GTF2H4: variants seen among roughly 807,000 people sequenced by gnomAD.
GTF2H4 encodes the protein BTF2 p52.
In GTF2H4, 49 loss-of-function variants were observed where a neutral mutation model predicts 62.2. The ratio of observed to expected loss-of-function variants is 0.79; its 90% confidence interval spans 0.63 to 1.00. The LOEUF (loss-of-function observed/expected upper bound fraction) is 1.00, where lower values mean the gene tolerates loss of function less well. Ranked by LOEUF, GTF2H4 falls within the 50% of genes least tolerant of loss-of-function variation. GTF2H4 has a pLI of 0.00. For synonymous variants in GTF2H4, 189 were observed against 233.8 expected (o/e 0.81, Z 1.75); for missense variants, 479 against 587.8 (o/e 0.81, Z 1.91).
In GTF2H4 at chr6:30,913,029, C is replaced by A; in HGVS notation, c.1090-81C>A. On this transcript the variant is annotated intron_variant, in intron 11 of 13. Transcript: ENST00000259895. This position sits in a 1 kb window ranked among gnomAD's most constrained non-coding sequence, Gnocchi z 4.2. The stretch of plus-strand genomic sequence containing the variant: ...TGAGTTTTTAGAATAAGCTGATGTT[C>A]CAGTGACATTAGGTGACAGCTCAGA... 7.4e-7 allele frequency: 1 copy of A among 1,358,888 alleles called. No homozygotes were observed. The highest frequency in any genetic ancestry group is 1.0e-6 in the Non-Finnish European group (1 of 955,340). 84.2% of individuals were successfully genotyped at this position (1,358,888 alleles called of 1,614,324 possible).
rs927512458 is a variant in GTF2H4, at chr6:30,909,807, C to A, written c.243-125C>A. 3.3e-6 allele frequency: 3 copies of A among 908,310 alleles called. No individual in the cohort carries two copies. The highest frequency in any genetic ancestry group is 5.1e-6 in the Non-Finnish European group (3 of 586,004). The allele number at this position is 908,310 out of a possible 1,614,324, so 56.3% of individuals were successfully genotyped here. A position where few individuals can be genotyped will look rare whatever the true frequency, so the allele number is the denominator to read the frequency against. On this transcript the variant is annotated intron_variant, in intron 3 of 13. Transcript: ENST00000259895. This position sits in a 1 kb window ranked among gnomAD's most constrained non-coding sequence, Gnocchi z 4.3. ...GTAAAGAATTTGTCTTAGGAAGATA[C>A]TAATTTCACTCTGTGGAACAGTGTT...
At chr6:30,908,929 GGTGGGGTTATT>G in intron 1 of GTF2H4, 94 bp from the exon 2 acceptor site, 1 of 1,265,506 alleles carries the variant, frequency 7.9e-7, no homozygotes, top group Non-Finnish European at 1.1e-6. Flanking sequence ...CCACAGAAAA[GGTGGGGTTATT>G]GTGGGGACTG....
Position 30,909,357 on chromosome 6 carries a change from T to C in GTF2H4, c.138-78T>C. On this transcript the variant is annotated intron_variant, in intron 2 of 13. Transcript: ENST00000259895. This position sits in a 1 kb window ranked among gnomAD's most constrained non-coding sequence, Gnocchi z 4.3. Reference sequence around the variant, plus strand: ...AGTTGTGCTGGAGTGAGATGAGATGTTTGAGAGGTAATTGAGGGCAGAGAT... The same window carrying C: ...AGTTGTGCTGGAGTGAGATGAGATGCTTGAGAGGTAATTGAGGGCAGAGAT... 1 of 1,232,652 alleles carries C rather than the reference T, an allele frequency of 8.1e-7. No individual in the cohort carries two copies. The highest frequency in any genetic ancestry group is 2.4e-5 in the East Asian group (1 of 42,422). The allele number at this position is 1,232,652 out of a possible 1,614,324, so 76.4% of individuals were successfully genotyped here.
Position 30,913,946 on chromosome 6 carries a change from T to C in GTF2H4, c.1352T>C (p.Val451Ala). The change falls in exon 14 of 14, where the codon GTC (valine) becomes GCC (alanine). Residue 451 changes from valine to alanine, a missense_variant. Transcript: ENST00000259895. The surrounding 1 kb of genome is among the most constrained non-coding windows in gnomAD (Gnocchi z 4.2). ...GTGACCCCGGCCGGGCACAGCGACGTCAAGCGCTTTTGGAAGCGGCAGAAA... is the reference window on the plus strand; with the variant it reads ...GTGACCCCGGCCGGGCACAGCGACGCCAAGCGCTTTTGGAAGCGGCAGAAA... ...MVVTPAGHSDVKRFWKRQKHS... is the reference protein window; with the variant it reads ...MVVTPAGHSDAKRFWKRQKHS... The C allele has an allele frequency of 2.5e-6, 4 of 1,604,672 alleles. No homozygotes were observed. Among genetic ancestry groups the C allele is most frequent in the Non-Finnish European group, 3.4e-6 (4 of 1,175,870 alleles).
chr6:30,912,567 G>A lies in GTF2H4; in HGVS notation c.1089+109G>A. On this transcript the variant is annotated intron_variant, in intron 11 of 13. Coordinates refer to ENST00000259895, the MANE Select transcript of GTF2H4 (RefSeq NM_001517.5). This position sits in a 1 kb window ranked among gnomAD's most constrained non-coding sequence, Gnocchi z 4.8. ...CTCTGAGTCTGTTATAATAGGTGGTGGTGAGTTGTCTGTGTTTGAAGAGAA... is the reference window on the plus strand; with the variant it reads ...CTCTGAGTCTGTTATAATAGGTGGTAGTGAGTTGTCTGTGTTTGAAGAGAA... The A allele has an allele frequency of 7.2e-7, 1 of 1,382,194 alleles. No individual in the cohort carries two copies. The highest frequency in any genetic ancestry group is 2.3e-5 in the East Asian group (1 of 43,136). The allele number at this position is 1,382,194 out of a possible 1,614,324, so 85.6% of individuals were successfully genotyped here.
rs1178394396 is a variant in GTF2H4, at chr6:30,913,177, T to C, written c.1137+20T>C. 2 of 1,613,912 alleles carry C rather than the reference T, an allele frequency of 1.2e-6. No homozygotes were observed. Among genetic ancestry groups the C allele is most frequent in the Non-Finnish European group, 1.7e-6 (2 of 1,179,852 alleles). On this transcript the variant is annotated intron_variant, in intron 12 of 13. Coordinates refer to ENST00000259895, the MANE Select transcript of GTF2H4 (RefSeq NM_001517.5). This position sits in a 1 kb window ranked among gnomAD's most constrained non-coding sequence, Gnocchi z 4.2. Reference sequence around the variant, plus strand: ...AAACAGGTATAGACAGGCTCCAAGATGTCAGAGGCTGGCAGCTGGTGATGA... The same window carrying C: ...AAACAGGTATAGACAGGCTCCAAGACGTCAGAGGCTGGCAGCTGGTGATGA...
rs988565097 is a variant in GTF2H4, at chr6:30,913,540, G to C, written c.1216+153G>C. 6.6e-6 allele frequency among the ~76,000 whole-genome samples: 1 copy of C among 152,194 alleles called. No homozygotes were observed. Among genetic ancestry groups the C allele is most frequent in the East Asian group, 1.9e-4 (1 of 5,200 alleles). ...GGGGTGAGTCGGTAGTAAACAAATCGTCCCAAATCAATGCACTTTGGATTT... is the reference window on the plus strand; with the variant it reads ...GGGGTGAGTCGGTAGTAAACAAATCCTCCCAAATCAATGCACTTTGGATTT... On this transcript the variant is annotated intron_variant, in intron 13 of 13. Coordinates refer to ENST00000259895, the MANE Select transcript of GTF2H4 (RefSeq NM_001517.5). The surrounding 1 kb of genome is among the most constrained non-coding windows in gnomAD (Gnocchi z 4.2).
At position 30,909,596 on chromosome 6, in the gene GTF2H4, C is replaced by G. The variant is rs779806226; in HGVS notation, c.242+57C>G. 3 of 1,043,584 alleles carry G rather than the reference C, an allele frequency of 2.9e-6. No individual in the cohort carries two copies. The highest frequency in any genetic ancestry group is 4.5e-6 in the Non-Finnish European group (3 of 665,646). 64.6% of individuals were successfully genotyped at this position (1,043,584 alleles called of 1,614,324 possible). On this transcript the variant is annotated intron_variant, in intron 3 of 13. Transcript: ENST00000259895. This position sits in a 1 kb window ranked among gnomAD's most constrained non-coding sequence, Gnocchi z 4.3. Reference sequence around the variant, plus strand: ...AGCTACATTTCCCAAACTGCTGTTCCTTGGAGCACTTCCAGGAAGTGTTAA... The same window carrying G: ...AGCTACATTTCCCAAACTGCTGTTCGTTGGAGCACTTCCAGGAAGTGTTAA...
In GTF2H4 at chr6:30,910,751, A is replaced by G. The variant is rs1793728231; in HGVS notation, c.461A>G (p.Glu154Gly). ...DVPSLDKYAE[E>G]RWEVVLHFMV... ...CCCTCCCTTGACAAGTACGCCGAGGAGCGATGGGAGGTAAGCACTTGGGAG... is the reference window on the plus strand; with the variant it reads ...CCCTCCCTTGACAAGTACGCCGAGGGGCGATGGGAGGTAAGCACTTGGGAG... The change falls in exon 5 of 14, where the codon GAG (glutamate) becomes GGG (glycine). Residue 154 changes from glutamate (E) to glycine (G), a missense_variant. Transcript: ENST00000259895. This position sits in a 1 kb window ranked among gnomAD's most constrained non-coding sequence, Gnocchi z 4.7. 2 of 1,612,296 alleles carry G rather than the reference A, an allele frequency of 1.2e-6. No homozygotes were observed. Among genetic ancestry groups the G allele is most frequent in the Admixed American group, 1.7e-5 (1 of 59,996 alleles).
rs1056483516 is a variant in GTF2H4 at position 30,914,016 on chromosome 6, C to T, written c.*33C>T. ...GGACTTGGACACGGACCTCGGCGGG[C>T]GGGACTGGGCGGGGCGGGGCATCAG... On this transcript the variant is annotated 3_prime_UTR_variant, in exon 14 of 14. Transcript: ENST00000259895. 1 of 597,804 alleles carries T rather than the reference C, an allele frequency of 1.7e-6. No individual in the cohort carries two copies. The highest frequency in any genetic ancestry group is 3.0e-6 in the Non-Finnish European group (1 of 334,178). 37.0% of individuals were successfully genotyped at this position (597,804 alleles called of 1,614,324 possible). A position where few individuals can be genotyped will look rare whatever the true frequency, so the allele number is the denominator to read the frequency against.
chr6:30,909,640 TAAAAA>T lies in GTF2H4; in HGVS notation c.242+102_242+106del. 4.2e-6 allele frequency: 3 copies of T among 711,026 alleles called. No individual in the cohort carries two copies. The highest frequency in any genetic ancestry group is 7.2e-6 in the Non-Finnish European group (3 of 414,948). 44.0% of individuals were successfully genotyped at this position (711,026 alleles called of 1,614,324 possible). A position where few individuals can be genotyped will look rare whatever the true frequency, so the allele number is the denominator to read the frequency against. Reference sequence around the variant, plus strand: ...GTGTTAATAGATATATCACAAAACTTAAAAATAAATACATTTGGGAAACTCTGCAT... The same window carrying T: ...GTGTTAATAGATATATCACAAAACTTTAAATACATTTGGGAAACTCTGCAT... On this transcript the variant is annotated intron_variant, in intron 3 of 13. Coordinates refer to ENST00000259895, the MANE Select transcript of GTF2H4 (RefSeq NM_001517.5). The surrounding 1 kb of genome is among the most constrained non-coding windows in gnomAD (Gnocchi z 4.3).
intron 1 of GTF2H4, among the ~76,000 whole-genome samples, chr6:30,908,777 T>C (rs922278073): frequency 1.3e-5 from 2 of 152,178 alleles, no homozygotes; most frequent in African/African-American, 4.8e-5. Context: ...TTGCAAACAC[T>C]GGACAGTTAA....
chr6:30,911,116 TTCTC>T lies in GTF2H4; in HGVS notation c.561-40_561-37del, dbSNP rs1300723153. On this transcript the variant is annotated intron_variant, in intron 6 of 13. Transcript: ENST00000259895. The surrounding 1 kb of genome is among the most constrained non-coding windows in gnomAD (Gnocchi z 4.3). ...AGTGGACAAGTGGGGATAGTAGTCT[TTCTC>T]TGCATATCACCATCATTGTCCTGGT... 8 of 1,486,232 alleles carry T rather than the reference TTCTC, an allele frequency of 5.4e-6. No individual in the cohort carries two copies. Among genetic ancestry groups the T allele is most frequent in the African/African-American group, 1.4e-5 (1 of 72,318 alleles). The allele number at this position is 1,486,232 out of a possible 1,614,324, so 92.1% of individuals were successfully genotyped here. A position where few individuals can be genotyped will look rare whatever the true frequency, so the allele number is the denominator to read the frequency against.
At position 30,911,228 on chromosome 6, in the gene GTF2H4, C is replaced by A; in HGVS notation, c.631C>A (p.Gln211Lys). Residue 211 changes from glutamine to lysine, a missense_variant, in exon 7 of 14, where the codon CAG becomes AAG. Coordinates refer to ENST00000259895, the MANE Select transcript of GTF2H4 (RefSeq NM_001517.5). This position sits in a 1 kb window ranked among gnomAD's most constrained non-coding sequence, Gnocchi z 4.3. ...FQFLLLDTPAQLWYFMLQYLQ... is the reference protein window; with the variant it reads ...FQFLLLDTPAKLWYFMLQYLQ... ...GTTCCTGTTGCTGGACACCCCGGCT[C>A]AGCTCTGGTACTTTATGTTGCAGTA... The A allele has an allele frequency of 6.2e-7, 1 of 1,613,726 alleles. No individual in the cohort carries two copies. Among genetic ancestry groups the A allele is most frequent in the Non-Finnish European group, 8.5e-7 (1 of 1,180,026 alleles).
chr6:30,913,036 C>T lies in GTF2H4; in HGVS notation c.1090-74C>T, dbSNP rs780273494. The T allele has an allele frequency of 1.3e-5, 19 of 1,419,262 alleles. No individual in the cohort carries two copies. The highest frequency in any genetic ancestry group is 1.9e-5 in the Non-Finnish European group (19 of 1,006,476). 87.9% of individuals were successfully genotyped at this position (1,419,262 alleles called of 1,614,324 possible). ...TTAGAATAAGCTGATGTTCCAGTGA[C>T]ATTAGGTGACAGCTCAGATGGCTTT... On this transcript the variant is annotated intron_variant, in intron 11 of 13. Coordinates refer to ENST00000259895, the MANE Select transcript of GTF2H4 (RefSeq NM_001517.5). The surrounding 1 kb of genome is among the most constrained non-coding windows in gnomAD (Gnocchi z 4.2).
chr6:30,909,029 CT>C lies in GTF2H4; in HGVS notation c.-3-4del, dbSNP rs1283644320. 1 of 1,613,996 alleles carries C rather than the reference CT, an allele frequency of 6.2e-7. No individual in the cohort carries two copies. The highest frequency in any genetic ancestry group is 1.3e-5 in the African/African-American group (1 of 75,030). On this transcript the variant is annotated splice_polypyrimidine_tract_variant and splice_region_variant and intron_variant, in intron 1 of 13. Transcript: ENST00000259895. The surrounding 1 kb of genome is among the most constrained non-coding windows in gnomAD (Gnocchi z 4.3). ...GGTTGCACTTCTGACGTTTGCATTC[CT>C]CAGGTGATGGAGAGCACCCCTTCAA...
At position 30,909,328 on chromosome 6, in the gene GTF2H4, G is replaced by T. The variant is rs1371982702; in HGVS notation, c.138-107G>T. 2.5e-6 allele frequency: 3 copies of T among 1,216,946 alleles called. No individual in the cohort carries two copies. The highest frequency in any genetic ancestry group is 3.5e-6 in the Non-Finnish European group (3 of 853,554). The allele number at this position is 1,216,946 out of a possible 1,614,324, so 75.4% of individuals were successfully genotyped here. A position where few individuals can be genotyped will look rare whatever the true frequency, so the allele number is the denominator to read the frequency against. On this transcript the variant is annotated intron_variant, in intron 2 of 13. Coordinates refer to ENST00000259895, the MANE Select transcript of GTF2H4 (RefSeq NM_001517.5). The surrounding 1 kb of genome is among the most constrained non-coding windows in gnomAD (Gnocchi z 4.3). ...TGTGGAGGCCAAAACAGCAGGACTG[G>T]TAAAGTTGTGCTGGAGTGAGATGAG...
intron 1 of GTF2H4, 56 bp from the exon 2 acceptor site, chr6:30,908,977 CA>C: frequency 6.2e-7 from 1 of 1,601,482 alleles, no homozygotes; most frequent in Non-Finnish European, 8.5e-7. Flanking sequence ...TTAGAAAGGT[CA>C]GGGGTGACAC....
In GTF2H4 at chr6:30,910,189, A is replaced by G; in HGVS notation, c.374+126A>G. ...GAACCTTGTGGTCTCCACGTTGGGA[A>G]CTCCTTTAGGAGTAAGTTGGACCAG... On this transcript the variant is annotated intron_variant, in intron 4 of 13. Coordinates refer to ENST00000259895, the MANE Select transcript of GTF2H4 (RefSeq NM_001517.5). This position sits in a 1 kb window ranked among gnomAD's most constrained non-coding sequence, Gnocchi z 4.7. 2 of 1,004,272 alleles carry G rather than the reference A, an allele frequency of 2.0e-6. No individual in the cohort carries two copies. The highest frequency in any genetic ancestry group is 3.0e-6 in the Non-Finnish European group (2 of 670,924). 62.2% of individuals were successfully genotyped at this position (1,004,272 alleles called of 1,614,324 possible). A position where few individuals can be genotyped will look rare whatever the true frequency, so the allele number is the denominator to read the frequency against.
Sources: allele counts gnomAD v4.1 joint callset (sites outside exome capture counted in the v4.1 genomes callset), GRCh38; gene constraint gnomAD v4.1.1; non-coding constraint Gnocchi (gnomAD v3.1); transcripts MANE v1.5; gene names NCBI Gene and HGNC (gene_info 2026-07-23, HGNC 2026-07-21).